ERAP1: variants seen among roughly 807,000 people sequenced by gnomAD.
The protein encoded by ERAP1 is endoplasmic reticulum aminopeptidase 1, also known as adipocyte-derived leucine aminopeptidase.
A neutral mutation model predicts 103.7 loss-of-function variants in ERAP1; 86 were observed. The ratio of observed to expected loss-of-function variants is 0.83; its 90% CI spans 0.70 to 0.99. ERAP1 has a LOEUF of 0.99. Ranked by LOEUF, ERAP1 falls within the 50% of genes least tolerant of loss-of-function variation. The probability of loss-of-function intolerance (pLI) is 0.00; values close to 1 mark genes in which losing one functional copy is unlikely to be tolerated. For missense variants in ERAP1, 1,009 were observed against 1,128.4 expected, an observed-to-expected ratio of 0.89 and a Z score of 1.52; for synonymous variants, 398 against 402.4, an observed-to-expected ratio of 0.99 and a Z score of 0.13.
the ERAP1 span, chr5:96,903,404 G>A: frequency 6.2e-7 from 1 of 1,613,404 alleles, no homozygotes; most frequent in Non-Finnish European, 8.5e-7. Flanking sequence ...GAAAAGACCA[G>A]TTGGGTGAAA....
the ERAP1 span, among the ~76,000 whole-genome samples, chr5:96,887,837 G>C: frequency 2.6e-5 from 4 of 152,124 alleles, no homozygotes; most frequent in Admixed American, 2.6e-4. Flanking sequence ...TTTGAAAAAT[G>C]GGCATAGGCC....
the ERAP1 span, among the ~76,000 whole-genome samples, chr5:96,867,448 T>A: frequency 2.6e-5 from 4 of 152,224 alleles, no homozygotes; most frequent in African/African-American, 9.6e-5. Flanking sequence ...ATAGCTAGGA[T>A]GACTCTTCTC....
At chr5:96,773,551 TG>T (rs1354281732), downstream of ERAP1, 1 of 152,246 alleles carries the variant, frequency 6.6e-6, no homozygotes, top group Non-Finnish European at 1.5e-5. Flanking sequence ...TCTGGCTTTA[TG>T]GAACTTAAGT....
At chr5:96,922,089 GA>G in the ERAP1 span, among the ~76,000 whole-genome samples, 3 of 151,960 alleles carry the variant, frequency 2.0e-5, no homozygotes, top group Non-Finnish European at 2.9e-5. Flanking sequence ...ACAGGGTCAG[GA>G]GATCGAGACC....
the ERAP1 span, chr5:96,895,120 A>G: frequency 3.4e-6 from 2 of 587,592 alleles, no homozygotes; most frequent in Non-Finnish European, 5.9e-6. Context: ...CAGAGAGAAA[A>G]GGGTAGCAAA....
the ERAP1 span, among the ~76,000 whole-genome samples, chr5:96,843,077 A>G: frequency 1.3e-5 from 2 of 152,184 alleles, no homozygotes; most frequent in Non-Finnish European, 2.9e-5. Flanking sequence ...AGCTTTGGAC[A>G]AAGAATTGGA....
At chr5:96,857,354 C>T in the ERAP1 span, among the ~76,000 whole-genome samples, 1 of 152,144 alleles carries the variant, frequency 6.6e-6, no homozygotes, top group African/African-American at 2.4e-5. Flanking sequence ...AAGTGAAGTA[C>T]TTAAGAAGTG....
At chr5:96,846,889 T>C in the ERAP1 span, among the ~76,000 whole-genome samples, 4 of 152,034 alleles carry the variant, frequency 2.6e-5, no homozygotes, top group South Asian at 8.3e-4. Context: ...ATTTGGATGC[T>C]GTAATCAACT....
At chr5:96,803,052 G>C (rs1027991811) in intron 2 of ERAP1, among the ~76,000 whole-genome samples, 2 of 152,072 alleles carry the variant, frequency 1.3e-5, no homozygotes, top group African/African-American at 4.8e-5. Context: ...AATACATTTT[G>C]TTGTTTATAG....
At chr5:96,828,871 G>A in the ERAP1 span, among the ~76,000 whole-genome samples, 8 of 151,774 alleles carry the variant, frequency 5.3e-5, no homozygotes, top group Non-Finnish European at 8.8e-5. Flanking sequence ...TTTTTGAGAT[G>A]GGGTGTCACT....
the ERAP1 span, among the ~76,000 whole-genome samples, chr5:96,838,578 C>A: frequency 6.6e-6 from 1 of 151,474 alleles, no homozygotes; most frequent in South Asian, 2.1e-4. Context: ...TTTATTACTT[C>A]CTTCCATATA....
At chr5:96,880,304 C>G in the ERAP1 span, 1 of 1,520,280 alleles carries the variant, frequency 6.6e-7, no homozygotes, top group Non-Finnish European at 8.9e-7. Context: ...GTGATAATTT[C>G]CTTACGAGTT....
the ERAP1 span, among the ~76,000 whole-genome samples, chr5:96,891,582 C>T: frequency 9.9e-5 from 15 of 151,080 alleles, no homozygotes; most frequent in African/African-American, 3.4e-4. Flanking sequence ...TACACACACA[C>T]ACACACACAC....
chr5:96,817,339 A>C, the ERAP1 span, among the ~76,000 whole-genome samples: 1 of 152,240 alleles, frequency 6.6e-6, no homozygotes, highest in Non-Finnish European at 1.5e-5. Context: ...CTAACCAAGC[A>C]TCAGTTAGCA....
chr5:96,841,056 C>A, the ERAP1 span, among the ~76,000 whole-genome samples: 1 of 152,180 alleles, frequency 6.6e-6, no homozygotes, highest in South Asian at 2.1e-4. Context: ...TGCCGTCAGT[C>A]ATGACCACTG....
chr5:96,821,568 C>T, the ERAP1 span, among the ~76,000 whole-genome samples: 1 of 152,100 alleles, frequency 6.6e-6, no homozygotes, highest in Non-Finnish European at 1.5e-5. Flanking sequence ...TTATCTATGA[C>T]CAGGTACTGT....
At position 96,793,885 on chromosome 5, in the gene ERAP1, G is replaced by A. The variant is rs749725342; in HGVS notation, c.992C>T (p.Ala331Val). 4 of 1,613,982 alleles carry A rather than the reference G, an allele frequency of 2.5e-6. No individual in the cohort carries two copies. Among genetic ancestry groups the A allele is most frequent in the Non-Finnish European group, 3.4e-6 (4 of 1,179,844 alleles). The change falls in exon 6 of 19, where the codon GCT becomes GTT. Residue 331 changes from alanine to valine, a missense_variant. Transcript: ENST00000443439. ...AGACTTTTCTGCATCAAACAACAGAGCAGATTCTCTATATGTTGTCAGTCC... is the reference window on the plus strand; with the variant it reads ...AGACTTTTCTGCATCAAACAACAGAACAGATTCTCTATATGTTGTCAGTCC... ...NWGLTTYRES[A>V]LLFDAEKSSA...
chr5:96,800,848 G>C lies in ERAP1; in HGVS notation c.663+14C>G. 1 of 1,613,912 alleles carries C rather than the reference G, an allele frequency of 6.2e-7. No homozygotes were observed. The highest frequency in any genetic ancestry group is 8.5e-7 in the Non-Finnish European group (1 of 1,179,828). ...AGATTTTCCTATAGAAAATACACAG[G>C]AGTGCAGACTCACCAATGGCATATT... is the stretch of plus-strand genomic sequence containing the variant. On this transcript the variant is annotated intron_variant, in intron 3 of 18. Transcript: ENST00000443439.
the ERAP1 span, among the ~76,000 whole-genome samples, chr5:96,819,743 A>C: frequency 1.3e-5 from 2 of 152,198 alleles, no homozygotes; most frequent in Non-Finnish European, 2.9e-5. Flanking sequence ...ATTAGGGATG[A>C]ATTTCCAGTA....
Sources: gnomAD v4.1 joint callset for allele counts (sites outside exome capture counted in the v4.1 genomes callset) on GRCh38, gnomAD v4.1.1 for gene constraint, MANE v1.5 for transcripts, NCBI Gene and HGNC (gene_info 2026-07-23, HGNC 2026-07-21) for gene names.